The following GPC5 variants were observed in gnomAD, a reference collection of about 807,000 sequenced individuals.
GPC5 encodes glypican 5.
In GPC5, 47 loss-of-function variants were observed where a neutral mutation model predicts 53.9. The observed-to-expected ratio is 0.87, with a 90% CI of 0.69 to 1.11. The LOEUF is 1.11. GPC5 is among the 50% of genes most tolerant of loss of function. The probability of loss-of-function intolerance (pLI) is 0.00; values close to 1 mark genes in which losing one functional copy is unlikely to be tolerated. For synonymous variants in GPC5, 286 were observed against 263.3 expected, an observed-to-expected ratio of 1.09 and a Z score of -0.84; for missense variants, 748 against 713.1, an observed-to-expected ratio of 1.05 and a Z score of -0.56.
chr13:92,786,719 A>G (rs1354700831), intron 7 of GPC5, among the ~76,000 whole-genome samples: 2 of 152,190 alleles, frequency 1.3e-5, no homozygotes, highest in Admixed American at 1.3e-4. Context: ...TCAAGGACAA[A>G]GTAATACTCT....
rs909262827 is a variant in GPC5, at chr13:92,064,052, A to C, written c.1402-80778A>C. Among the ~76,000 whole-genome samples the C allele has an allele frequency of 3.9e-5, 6 of 152,334 alleles. No homozygotes were observed. The East Asian group carries it at 9.7e-4, about 25-fold the overall frequency. On this transcript the variant is annotated intron_variant, in intron 6 of 7. Coordinates refer to ENST00000377067, the MANE Select transcript of GPC5 (RefSeq NM_004466.6). ...CAGAAGAAGCATGCTCCAGCTTTGG[A>C]ATAAATATAGCTAAGAGTTCTTTAT...
chr13:92,447,040 T>A (rs973418206), intron 7 of GPC5: 1 of 152,288 alleles, frequency 6.6e-6, no homozygotes, highest in Admixed American at 6.5e-5. Context: ...TAGTCTCTCA[T>A]CAGATATATA....
intron 7 of GPC5, among the ~76,000 whole-genome samples, chr13:92,210,844 T>A (rs1372237726): frequency 6.6e-6 from 1 of 152,172 alleles, no homozygotes; most frequent in African/African-American, 2.4e-5. Flanking sequence ...AAAACAGGTG[T>A]GTGTTGGCAT....
chr13:91,441,376 G>C (rs73614249), intron 1 of GPC5, among the ~76,000 whole-genome samples: 11,709 of 152,232 alleles, frequency 0.077, 1,449 homozygotes, highest in African/African-American at 0.26. Flanking sequence ...ATAGAAGAAA[G>C]TAGAATGGTT....
intron 4 of GPC5, among the ~76,000 whole-genome samples, chr13:91,736,009 T>C (rs74104996): frequency 6.6e-6 from 1 of 151,320 alleles, no homozygotes; most frequent in Non-Finnish European, 1.5e-5. Flanking sequence ...GAAAACACAT[T>C]GTGCAGAATG....
chr13:92,418,312 GAAT>G (rs1566581793), intron 7 of GPC5, among the ~76,000 whole-genome samples: 1 of 152,070 alleles, frequency 6.6e-6, no homozygotes, highest in Non-Finnish European at 1.5e-5. Flanking sequence ...TATGGTATAT[GAAT>G]AATATTTTAA....
intron 3 of GPC5, among the ~76,000 whole-genome samples, chr13:91,722,269 G>A (rs1033165005): frequency 8.5e-5 from 13 of 152,162 alleles, no homozygotes; most frequent in African/African-American, 3.1e-4. Context: ...ACAATTATGG[G>A]TTGGTTTTCC....
chr13:92,502,866 T>A (rs1042216960), intron 7 of GPC5, among the ~76,000 whole-genome samples: 3 of 151,936 alleles, frequency 2.0e-5, no homozygotes, highest in Non-Finnish European at 2.9e-5. Flanking sequence ...ATTGGAGCAC[T>A]CCACTGGACA....
At position 92,414,012 on chromosome 13, in the gene GPC5, TAAATC is replaced by T. The variant is rs1395606176; in HGVS notation, c.1561+269028_1561+269032del. Among the ~76,000 whole-genome samples, 4 of 152,228 alleles carry T rather than the reference TAAATC, an allele frequency of 2.6e-5. No homozygotes were observed. In the East Asian group the frequency reaches 5.8e-4, roughly 22 times the overall value. On this transcript the variant is annotated intron_variant, in intron 7 of 7. Coordinates refer to ENST00000377067, the MANE Select transcript of GPC5 (RefSeq NM_004466.6). The stretch of plus-strand genomic sequence containing the variant: ...CATTCTATAACTAGGAGTTATAAGT[TAAATC>T]AAATGATTAGTGGAGTGAATTGGAG...
At chr13:92,601,252 G>C (rs1884040531) in intron 7 of GPC5, among the ~76,000 whole-genome samples, 2 of 151,908 alleles carry the variant, frequency 1.3e-5, no homozygotes, top group African/African-American at 2.4e-5. Context: ...GCAATCTTTT[G>C]AAGAACAAGA....
intron 7 of GPC5, among the ~76,000 whole-genome samples, chr13:92,497,671 A>C (rs1409657886): frequency 1.3e-5 from 2 of 152,110 alleles, no homozygotes. Flanking sequence ...TGGGAGTAGC[A>C]CTGACTCTAT....
chr13:92,602,233 C>CATATATATATATATAT lies in GPC5; in HGVS notation c.1562-264034_1562-264019dup, dbSNP rs149450440. Among the ~76,000 whole-genome samples the CATATATATATATATAT allele has an allele frequency of 7.4e-3, 886 of 119,332 alleles. 11 individuals carry two copies. The highest frequency in any genetic ancestry group is 0.011 in the Non-Finnish European group (641 of 59,178). 78.3% of individuals were successfully genotyped at this position (119,332 alleles called of 152,430 possible). ...TACATATATATAAATATATATATAA[C>CATATATATATATATAT]ATATATATATATATATATATATATA... On this transcript the variant is annotated intron_variant, in intron 7 of 7. Transcript: ENST00000377067.
chr13:92,734,402 T>C (rs1888883773), intron 7 of GPC5, among the ~76,000 whole-genome samples: 1 of 151,892 alleles, frequency 6.6e-6, no homozygotes, highest in South Asian at 2.1e-4. Flanking sequence ...CACAAGGACA[T>C]AATCACTAGG....
At chr13:92,527,108 AAAAG>A (rs58356455) in intron 7 of GPC5, among the ~76,000 whole-genome samples, 3,910 of 38,796 alleles carry the variant, frequency 0.1, 228 homozygotes, top group Non-Finnish European at 0.12. Flanking sequence ...AAAGAAAGAA[AAAAG>A]AAAGAAAGAA....
chr13:92,298,473 G>C (rs1220073348), intron 7 of GPC5, among the ~76,000 whole-genome samples: 4 of 152,152 alleles, frequency 2.6e-5, no homozygotes, highest in African/African-American at 9.7e-5. Flanking sequence ...CTTGCTAGGG[G>C]ACTCAGCAAG....
chr13:91,398,945 C>T lies in GPC5; in HGVS notation c.-102C>T, dbSNP rs1876685911. ...TACACCCCGCAGCCGGCTCGCACCGCTCGAGAGCCTCGGCCGCTGTGTCTT... is the reference window on the plus strand; with the variant it reads ...TACACCCCGCAGCCGGCTCGCACCGTTCGAGAGCCTCGGCCGCTGTGTCTT... On this transcript the variant is annotated 5_prime_UTR_variant, in exon 1 of 8. Transcript: ENST00000377067. The T allele has an allele frequency of 7.0e-7, 1 of 1,429,302 alleles. No homozygotes were observed. Among genetic ancestry groups the T allele is most frequent in the Non-Finnish European group, 9.3e-7 (1 of 1,077,860 alleles). 88.5% of individuals were successfully genotyped at this position (1,429,302 alleles called of 1,614,324 possible).
At chr13:92,119,567 A>ATTTTT (rs59391576) in intron 6 of GPC5, among the ~76,000 whole-genome samples, 24 of 70,630 alleles carry the variant, frequency 3.4e-4, no homozygotes, top group South Asian at 1.5e-3. Flanking sequence ...CGCCTGGCTA[A>ATTTTT]TTTTTTTTTT....
intron 2 of GPC5, among the ~76,000 whole-genome samples, chr13:91,484,605 A>G (rs959946108): frequency 6.6e-6 from 1 of 152,096 alleles, no homozygotes; most frequent in African/African-American, 2.4e-5. Context: ...TAATATATTT[A>G]TATTTTGGAT....
intron 6 of GPC5, among the ~76,000 whole-genome samples, chr13:91,938,661 A>G (rs1292098141): frequency 6.6e-6 from 1 of 152,158 alleles, no homozygotes; most frequent in Non-Finnish European, 1.5e-5. Context: ...AAATGTAAGC[A>G]TTTGATTTCT....
Sources: gnomAD v4.1 joint callset for allele counts (sites outside exome capture counted in the v4.1 genomes callset) on GRCh38, gnomAD v4.1.1 for gene constraint, MANE v1.5 for transcripts, NCBI Gene and HGNC (gene_info 2026-07-23, HGNC 2026-07-21) for gene names.